Variants in RIN3 observed in about 807,000 individuals in gnomAD.
RIN3 encodes the protein RAB5 interacting protein 3.
Under a neutral mutation model 76.3 loss-of-function variants are expected in RIN3, and 54 were observed. That is an observed-to-expected ratio of 0.71 (90% CI 0.57 to 0.89). The LOEUF (loss-of-function observed/expected upper bound fraction) is 0.89, where lower values mean the gene tolerates loss of function less well. Ranked by LOEUF, RIN3 falls within the 40% of genes least tolerant of loss-of-function variation. RIN3 has a pLI of 0.00. For synonymous variants in RIN3, 576 were observed against 564.0 expected (o/e 1.02, Z -0.30); for missense variants, 1,256 against 1,322.1 (o/e 0.95, Z 0.78).
At chr14:92,545,701 C>T (rs1473498341) in intron 1 of RIN3, among the ~76,000 whole-genome samples, 1 of 151,516 alleles carries the variant, frequency 6.6e-6, no homozygotes, top group Admixed American at 6.6e-5. Context: ...CCCACCTCAG[C>T]CTCCTGAGTA....
At chr14:92,627,655 C>T (rs565180893) in intron 4 of RIN3, among the ~76,000 whole-genome samples, 9 of 152,334 alleles carry the variant, frequency 5.9e-5, no homozygotes, top group South Asian at 4.1e-4. Context: ...TTCCTTCCAA[C>T]GTTGCCGAGA....
At chr14:92,676,404 T>C in intron 7 of RIN3, 71 bp from the exon 8 acceptor site, 1 of 1,568,232 alleles carries the variant, frequency 6.4e-7, no homozygotes, top group Non-Finnish European at 8.7e-7. Context: ...CACTGTCCCC[T>C]ACCCTGGGCA....
At chr14:92,595,089 A>G (rs75947257) in intron 3 of RIN3, among the ~76,000 whole-genome samples, 2 of 152,270 alleles carry the variant, frequency 1.3e-5, no homozygotes, top group East Asian at 3.8e-4. Context: ...GGTAACTAGC[A>G]TCTACTGAAC....
chr14:92,601,667 C>T (rs143324933), intron 3 of RIN3, among the ~76,000 whole-genome samples: 16 of 152,308 alleles, frequency 1.1e-4, no homozygotes, highest in Admixed American at 2.0e-4. Flanking sequence ...CCCGGCCCTG[C>T]GGCGTGAGCA....
chr14:92,579,957 A>G (rs551110571), intron 3 of RIN3, among the ~76,000 whole-genome samples: 141 of 152,360 alleles, frequency 9.3e-4, no homozygotes, highest in African/African-American at 3.2e-3. Flanking sequence ...GAAGGTGAGT[A>G]TATTAGTTCA....
chr14:92,670,720 A>G (rs1241913621), intron 7 of RIN3, among the ~76,000 whole-genome samples: 1 of 152,076 alleles, frequency 6.6e-6, no homozygotes, highest in African/African-American at 2.4e-5. Flanking sequence ...CTGAGCCTCA[A>G]TTTCCTCACA....
chr14:92,584,570 C>T (rs1407374958), intron 3 of RIN3, among the ~76,000 whole-genome samples: 1 of 152,156 alleles, frequency 6.6e-6, no homozygotes, highest in Non-Finnish European at 1.5e-5. Context: ...ATGTCTTGGT[C>T]ACCACTTGGC....
intron 7 of RIN3, among the ~76,000 whole-genome samples, chr14:92,671,694 C>T (rs572719858): frequency 6.6e-6 from 1 of 152,262 alleles, no homozygotes; most frequent in South Asian, 2.1e-4. Context: ...CATGGCCGGC[C>T]CCGAAGTCCT....
chr14:92,619,610 G>A (rs1203257630), intron 4 of RIN3, among the ~76,000 whole-genome samples: 6 of 151,916 alleles, frequency 3.9e-5, no homozygotes, highest in Non-Finnish European at 7.4e-5. Flanking sequence ...TGTATTTTTA[G>A]TAGAGACGGG....
At chr14:92,576,285 C>CT (rs1898226386) in intron 2 of RIN3, 1 of 1,289,510 alleles carries the variant, frequency 7.8e-7, no homozygotes, top group African/African-American at 1.5e-5. Flanking sequence ...GCTCCCCATG[C>CT]TTGCCTTCGG....
intron 3 of RIN3, among the ~76,000 whole-genome samples, chr14:92,609,773 G>A (rs1180742859): frequency 6.6e-6 from 1 of 151,938 alleles, no homozygotes; most frequent in African/African-American, 2.4e-5. Flanking sequence ...GACTGTCTCC[G>A]CTTACAGAAG....
In RIN3 at chr14:92,625,629, T is replaced by C. The variant is rs1886325252; in HGVS notation, c.440+10150T>C. Among the ~76,000 whole-genome samples, 6 of 152,290 alleles carry C rather than the reference T, an allele frequency of 3.9e-5. 1 individual carries two copies. Among genetic ancestry groups the C allele is most frequent in the African/African-American group, 1.4e-4 (6 of 41,568 alleles). On this transcript the variant is annotated intron_variant, in intron 4 of 9. Coordinates refer to ENST00000216487, the MANE Select transcript of RIN3 (RefSeq NM_024832.5). ...CCTGCTCTTCCATATTTGAAGCACC[T>C]ATCCTGTCCTCCCACTCTCTCATTT...
At chr14:92,518,172 C>A (rs1186539514) in intron 1 of RIN3, among the ~76,000 whole-genome samples, 2 of 152,234 alleles carry the variant, frequency 1.3e-5, no homozygotes, top group Non-Finnish European at 2.9e-5. Context: ...TTCACATGAA[C>A]CGCTTGTTTG....
chr14:92,671,413 T>C (rs1177889339), intron 7 of RIN3, among the ~76,000 whole-genome samples: 2 of 151,948 alleles, frequency 1.3e-5, no homozygotes, highest in Non-Finnish European at 2.9e-5. Flanking sequence ...AGTGGGATGT[T>C]ATGTGGGAGG....
In RIN3 at chr14:92,623,595, T is replaced by C. The variant is rs989337871; in HGVS notation, c.440+8116T>C. On this transcript the variant is annotated intron_variant, in intron 4 of 9. Transcript: ENST00000216487. This position sits in a 1 kb window ranked among gnomAD's most constrained non-coding sequence, Gnocchi z 4.9. The stretch of plus-strand genomic sequence containing the variant: ...AAAGATCCTTGAGGGGCCTCTCTTG[T>C]TTTACGGCGTTGTGGTTTCTTTTTT... Among the ~76,000 whole-genome samples the C allele has an allele frequency of 2.0e-5, 3 of 152,308 alleles. No individual in the cohort carries two copies. The East Asian group carries it at 5.8e-4, about 29-fold the overall frequency.
At chr14:92,559,107 T>C (rs1159039091) in intron 2 of RIN3, among the ~76,000 whole-genome samples, 3 of 152,120 alleles carry the variant, frequency 2.0e-5, no homozygotes, top group African/African-American at 7.2e-5. Context: ...CCTCAGGTGA[T>C]CCTCCCACCT....
At position 92,685,293 on chromosome 14, in the gene RIN3, C is replaced by T; in HGVS notation, c.2631+143C>T. On this transcript the variant is annotated intron_variant, in intron 9 of 9. Transcript: ENST00000216487. The surrounding 1 kb of genome is among the most constrained non-coding windows in gnomAD (Gnocchi z 4.7). ...AGGGGAGCAGTGAGACTCCCCACAC[C>T]AGAGGAAGGGCCCCCAGCCCCTGCT... The T allele has an allele frequency of 1.2e-6, 1 of 835,600 alleles. No individual in the cohort carries two copies. Among genetic ancestry groups the T allele is most frequent in the East Asian group, 2.7e-5 (1 of 37,070 alleles). The allele number at this position is 835,600 out of a possible 1,614,324, so 51.8% of individuals were successfully genotyped here.
chr14:92,687,764 C>T (rs1888917806), intron 9 of RIN3, 162 bp from the exon 10 acceptor site: 2 of 617,112 alleles, frequency 3.2e-6, no homozygotes, highest in African/African-American at 2.0e-5. Context: ...GGGACGGGCC[C>T]CCCGCAGGCT....
At chr14:92,536,667 G>A (rs938393513) in intron 1 of RIN3, among the ~76,000 whole-genome samples, 5 of 151,448 alleles carry the variant, frequency 3.3e-5, no homozygotes, top group African/African-American at 9.7e-5. Context: ...ACTTGAACCC[G>A]GGAGGTGGAG....
Sources: allele counts gnomAD v4.1 joint callset (sites outside exome capture counted in the v4.1 genomes callset), GRCh38; gene constraint gnomAD v4.1.1; non-coding constraint Gnocchi (gnomAD v3.1); transcripts MANE v1.5; gene names NCBI Gene and HGNC (gene_info 2026-07-23, HGNC 2026-07-21).